Variants in CNTLN observed in about 807,000 individuals in gnomAD.
The protein encoded by CNTLN is centlein.
Under a neutral mutation model 180.0 loss-of-function variants are expected in CNTLN, and 212 were observed. That is an observed-to-expected ratio of 1.18 (90% CI 1.05 to 1.32). The LOEUF is 1.32. Ranked by LOEUF, CNTLN falls within the 40% of genes most tolerant of loss-of-function variation. The pLI is 0.00. For missense variants in CNTLN, 2,095 were observed against 1,610.9 expected (o/e 1.30, Z -5.14); for synonymous variants, 722 against 563.1 (o/e 1.28, Z -3.99).
At chr9:17,416,543 T>C (rs1426621929) in intron 18 of CNTLN, among the ~76,000 whole-genome samples, 2 of 152,232 alleles carry the variant, frequency 1.3e-5, no homozygotes. Flanking sequence ...CGTTTGCCTA[T>C]GTTTGAAACT....
At chr9:17,211,386 G>C (rs1310662847) in intron 2 of CNTLN, among the ~76,000 whole-genome samples, 2 of 152,080 alleles carry the variant, frequency 1.3e-5, no homozygotes, top group Non-Finnish European at 2.9e-5. Context: ...TATTATTTCT[G>C]AGGGCTCTGT....
intron 5 of CNTLN, among the ~76,000 whole-genome samples, chr9:17,237,880 C>T (rs1215083047): frequency 2.0e-5 from 3 of 151,930 alleles, no homozygotes; most frequent in Non-Finnish European, 4.4e-5. Context: ...CATGGGGTGA[C>T]TGAGCCATTG....
At chr9:17,319,816 G>T (rs928354863) in intron 8 of CNTLN, among the ~76,000 whole-genome samples, 1 of 152,000 alleles carries the variant, frequency 6.6e-6, no homozygotes, top group Non-Finnish European at 1.5e-5. Flanking sequence ...TATTGGTGGG[G>T]ATTTATCTTT....
intron 2 of CNTLN, among the ~76,000 whole-genome samples, chr9:17,161,399 T>C (rs961827963): frequency 3.3e-5 from 5 of 152,162 alleles, no homozygotes; most frequent in African/African-American, 1.2e-4. Context: ...ATTGGTATCA[T>C]AAGAGTACAA....
intron 2 of CNTLN, among the ~76,000 whole-genome samples, chr9:17,177,177 A>C (rs1033992201): frequency 6.6e-6 from 1 of 152,130 alleles, no homozygotes; most frequent in African/African-American, 2.4e-5. Flanking sequence ...TGGGAGGCTG[A>C]GGCAGGCAGA....
intron 18 of CNTLN, among the ~76,000 whole-genome samples, chr9:17,446,924 C>A (rs1356719866): frequency 6.6e-6 from 1 of 152,198 alleles, no homozygotes; most frequent in Admixed American, 6.5e-5. Context: ...CATGAGACTT[C>A]TGCAGATATT....
chr9:17,464,640 T>C lies in CNTLN; in HGVS notation c.3531+17T>C. The C allele has an allele frequency of 7.3e-7, 1 of 1,373,820 alleles. No homozygotes were observed. 85.1% of individuals were successfully genotyped at this position (1,373,820 alleles called of 1,614,324 possible). A position where few individuals can be genotyped will look rare whatever the true frequency, so the allele number is the denominator to read the frequency against. On this transcript the variant is annotated intron_variant, in intron 21 of 25. Transcript: ENST00000380647. ...GATAAAAAGGTATCAATTTTTATCT[T>C]TACTGACACTAAAAATATCACTTCC...
intron 13 of CNTLN, among the ~76,000 whole-genome samples, chr9:17,367,968 G>A (rs1823974020): frequency 6.6e-6 from 1 of 152,118 alleles, no homozygotes. Flanking sequence ...AAAGCAGAGG[G>A]AAAAGTAAAG....
intron 4 of CNTLN, 47 bp downstream of exon 4, chr9:17,235,839 C>T (rs753049767): frequency 1.1e-4 from 173 of 1,544,264 alleles, no homozygotes; most frequent in Non-Finnish European, 1.4e-4. Context: ...CTTTGAAGTT[C>T]TGCTTTAAGC....
intron 3 of CNTLN, among the ~76,000 whole-genome samples, chr9:17,228,724 C>A (rs893030012): frequency 6.6e-6 from 1 of 151,914 alleles, no homozygotes; most frequent in Non-Finnish European, 1.5e-5. Context: ...ATAGTCAGGT[C>A]CACTGACATG....
intron 22 of CNTLN, among the ~76,000 whole-genome samples, chr9:17,466,362 G>A (rs1389149518): frequency 2.0e-5 from 3 of 151,262 alleles, no homozygotes; most frequent in Non-Finnish European, 4.4e-5. Flanking sequence ...AACTATTATT[G>A]AACACTGGTA....
the CNTLN span, among the ~76,000 whole-genome samples, chr9:17,511,432 C>G: frequency 1.3e-5 from 2 of 152,146 alleles, no homozygotes; most frequent in African/African-American, 4.8e-5. Flanking sequence ...GACACTGGAT[C>G]TCTCACAAGG....
chr9:17,185,305 A>C (rs1163566284), intron 2 of CNTLN, among the ~76,000 whole-genome samples: 1 of 152,234 alleles, frequency 6.6e-6, no homozygotes. Context: ...AAGTCATTCA[A>C]CTTCTGGTAC....
At chr9:17,395,436 A>G (rs1587875151) in intron 15 of CNTLN, among the ~76,000 whole-genome samples, 2 of 152,150 alleles carry the variant, frequency 1.3e-5, no homozygotes, top group Non-Finnish European at 2.9e-5. Context: ...AGGCAAGCCT[A>G]CTAAGTCGGT....
intron 5 of CNTLN, among the ~76,000 whole-genome samples, chr9:17,267,894 C>G (rs1827608332): frequency 6.6e-6 from 1 of 152,156 alleles, no homozygotes; most frequent in Non-Finnish European, 1.5e-5. Flanking sequence ...CCATCAGGTT[C>G]TTTAAGGACT....
At chr9:17,249,380 G>A (rs947664425) in intron 5 of CNTLN, among the ~76,000 whole-genome samples, 12 of 130,030 alleles carry the variant, frequency 9.2e-5, no homozygotes, top group African/African-American at 3.6e-4. Flanking sequence ...CTGGAGTCTC[G>A]CTCTATCACC....
intron 1 of CNTLN, among the ~76,000 whole-genome samples, chr9:17,137,000 A>C (rs1238415744): frequency 2.0e-5 from 3 of 152,138 alleles, no homozygotes; most frequent in Non-Finnish European, 4.4e-5. Flanking sequence ...CTGGCTAAAG[A>C]GCTAAGATAC....
chr9:17,205,484 C>G (rs192539198), intron 2 of CNTLN, among the ~76,000 whole-genome samples: 1 of 152,256 alleles, frequency 6.6e-6, no homozygotes. Flanking sequence ...ACACCGAACT[C>G]ACCAGACCAT....
chr9:17,512,865 G>C, the CNTLN span, among the ~76,000 whole-genome samples: 1 of 152,136 alleles, frequency 6.6e-6, no homozygotes, highest in Non-Finnish European at 1.5e-5. Flanking sequence ...CACCCAGGCT[G>C]GAGTGTGGTG....
Sources: gnomAD v4.1 joint callset for allele counts (sites outside exome capture counted in the v4.1 genomes callset) on GRCh38, gnomAD v4.1.1 for gene constraint, MANE v1.5 for transcripts, NCBI Gene and HGNC (gene_info 2026-07-23, HGNC 2026-07-21) for gene names.